Variants in CATSPERQ observed in about 807,000 individuals in gnomAD.
CATSPERQ encodes the protein cation channel sperm-associated auxiliary subunit theta.
the CATSPERQ span, chr8:144,353,742 T>C: frequency 2.0e-6 from 3 of 1,533,652 alleles, no homozygotes; most frequent in Non-Finnish European, 2.6e-6. Flanking sequence ...GGTGTCATCG[T>C]GTCCTGAGGA....
the CATSPERQ span, chr8:144,354,884 C>G: frequency 7.0e-7 from 1 of 1,425,232 alleles, no homozygotes; most frequent in South Asian, 1.4e-5. This position sits in a 1 kb window ranked among gnomAD's most constrained non-coding sequence, Gnocchi z 4.6. Flanking sequence ...CAGGAAGGAG[C>G]AGGAGCTCAC....
the CATSPERQ span, chr8:144,353,791 G>C: frequency 2.6e-6 from 4 of 1,535,524 alleles, no homozygotes; most frequent in Non-Finnish European, 3.5e-6. Flanking sequence ...GTAGTGCTCC[G>C]ACAGCTGCAC....
chr8:144,353,497 G>A, the CATSPERQ span: 10 of 1,535,694 alleles, frequency 6.5e-6, no homozygotes, highest in Admixed American at 2.0e-5. Context: ...TTGAGTTTCC[G>A]GGCGATGTAA....
At chr8:144,354,735 C>T in the CATSPERQ span, 16 of 1,535,424 alleles carry the variant, frequency 1.0e-5, no homozygotes, top group Non-Finnish European at 1.7e-6. This position sits in a 1 kb window ranked among gnomAD's most constrained non-coding sequence, Gnocchi z 4.6. Flanking sequence ...CGATGGAGGT[C>T]GTGGGCAGGC....
the CATSPERQ span, chr8:144,354,339 T>C: frequency 1.3e-6 from 2 of 1,532,510 alleles, no homozygotes; most frequent in South Asian, 1.2e-5. This position sits in a 1 kb window ranked among gnomAD's most constrained non-coding sequence, Gnocchi z 4.6. Context: ...AGACTGGGGG[T>C]GGCGCGGCGC....
chr8:144,353,886 C>T, the CATSPERQ span: 10 of 1,531,238 alleles, frequency 6.5e-6, no homozygotes, highest in Non-Finnish European at 8.7e-6. Flanking sequence ...CGGACTTAGC[C>T]AGCCTGGCCG....
At chr8:144,354,378 C>T in the CATSPERQ span, 42 of 1,513,270 alleles carry the variant, frequency 2.8e-5, no homozygotes, top group Non-Finnish European at 3.5e-5. This position sits in a 1 kb window ranked among gnomAD's most constrained non-coding sequence, Gnocchi z 4.6. Flanking sequence ...TGCCCGCAGC[C>T]GGGGGTGGCG....
the CATSPERQ span, chr8:144,354,169 A>C: frequency 0.44 from 683,219 of 1,537,120 alleles, 155,875 homozygotes; most frequent in East Asian, 0.68. The surrounding 1 kb of genome is among the most constrained non-coding windows in gnomAD (Gnocchi z 4.6). Context: ...CCACGCGGAG[A>C]GTCTGAGCGG....
chr8:144,354,555 T>TCCAACCCCCCCCCCCCC, the CATSPERQ span: 1 of 681,608 alleles, frequency 1.5e-6, no homozygotes, highest in Non-Finnish European at 2.2e-6. The surrounding 1 kb of genome is among the most constrained non-coding windows in gnomAD (Gnocchi z 4.6). Flanking sequence ...CCCGTCTCCC[T>TCCAACCCCCCCCCCCCC]CCTCCCCCGC....
At chr8:144,354,515 CA>C in the CATSPERQ span, 1 of 1,424,596 alleles carries the variant, frequency 7.0e-7, no homozygotes, top group Non-Finnish European at 9.2e-7. This position sits in a 1 kb window ranked among gnomAD's most constrained non-coding sequence, Gnocchi z 4.6. Flanking sequence ...TGCCTCTGCC[CA>C]CCTGGCTCCG....
At chr8:144,353,435 G>A in the CATSPERQ span, 5 of 1,535,854 alleles carry the variant, frequency 3.3e-6, no homozygotes, top group East Asian at 2.4e-5. Context: ...GGGGTGGCCA[G>A]TGGCGAACCA....
the CATSPERQ span, chr8:144,354,642 G>T: frequency 2.0e-6 from 3 of 1,534,242 alleles, no homozygotes; most frequent in Non-Finnish European, 2.6e-6. This position sits in a 1 kb window ranked among gnomAD's most constrained non-coding sequence, Gnocchi z 4.6. Context: ...GCACGAATGG[G>T]TAGAAGCTAT....
chr8:144,354,113 C>T, the CATSPERQ span: 47 of 1,535,190 alleles, frequency 3.1e-5, no homozygotes, highest in African/African-American at 6.2e-4. This position sits in a 1 kb window ranked among gnomAD's most constrained non-coding sequence, Gnocchi z 4.6. Context: ...ACGCCCACGC[C>T]GTACACGAGG....
At chr8:144,353,284 T>A in the CATSPERQ span, 1 of 1,445,382 alleles carries the variant, frequency 6.9e-7, no homozygotes, top group Non-Finnish European at 9.1e-7. Context: ...ACATTTGATC[T>A]GCCCCAGAGT....
chr8:144,353,511 C>A, the CATSPERQ span: 14 of 1,534,596 alleles, frequency 9.1e-6, no homozygotes, highest in Admixed American at 5.9e-5. Context: ...GATGTAACGG[C>A]CCAAGTATTC....
chr8:144,354,357 C>T, the CATSPERQ span: 4 of 1,527,854 alleles, frequency 2.6e-6, no homozygotes, highest in African/African-American at 2.7e-5. The surrounding 1 kb of genome is among the most constrained non-coding windows in gnomAD (Gnocchi z 4.6). Context: ...CGCGTGAGGA[C>T]GCCCCGGCCC....
chr8:144,353,841 G>C, the CATSPERQ span: 1 of 1,535,414 alleles, frequency 6.5e-7, no homozygotes, highest in Non-Finnish European at 8.7e-7. Flanking sequence ...CGAGGACCAG[G>C]TGGAAGAAGC....
the CATSPERQ span, chr8:144,353,621 G>A: frequency 3.2e-4 from 466 of 1,456,202 alleles, no homozygotes; most frequent in Admixed American, 1.3e-3. Flanking sequence ...TGCATCCCCC[G>A]TCCTGCCCGA....
At chr8:144,353,644 C>T in the CATSPERQ span, 1 of 1,457,028 alleles carries the variant, frequency 6.9e-7, no homozygotes, top group Non-Finnish European at 9.2e-7. Flanking sequence ...CCCCGGCGCC[C>T]TCTCCACGGC....
Sources: gnomAD v4.1 joint callset for allele counts on GRCh38, gnomAD v4.1.1 for gene constraint, Gnocchi (gnomAD v3.1) non-coding constraint, MANE v1.5 for transcripts, NCBI Gene and HGNC (gene_info 2026-07-23, HGNC 2026-07-21) for gene names.